Variants in FBXL14 observed in about 807,000 individuals in gnomAD.
FBXL14 encodes the protein F-box/LRR-repeat protein 14.
Under a neutral mutation model 24.5 loss-of-function variants are expected in FBXL14, and 11 were observed. The ratio of observed to expected loss-of-function variants is 0.45; its 90% CI spans 0.28 to 0.74. The LOEUF is 0.74. Among genes scored for constraint, FBXL14 ranks in the 30% least tolerant of loss-of-function variants. FBXL14 has a pLI of 0.12. For synonymous variants in FBXL14, 294 were observed against 240.4 expected, an observed-to-expected ratio of 1.22 and a Z score of -2.06; for missense variants, 384 against 545.6, an observed-to-expected ratio of 0.70 and a Z score of 2.95.
rs746140529 is a variant in FBXL14, at chr12:1,593,341, C to A, written c.726G>T (p.Ser242=). The A allele has an allele frequency of 1.9e-6, 3 of 1,613,764 alleles. No individual in the cohort carries two copies. Among genetic ancestry groups the A allele is most frequent in the Non-Finnish European group, 2.5e-6 (3 of 1,180,042 alleles). ...LLNLSFCGGI[S]DAGLLHLSHM... ...GCGACAGGTGCAGGAGGCCAGCGTC[C>A]GAGATTCCCCCACAGAAGCTGAGGT... Residue 242 remains serine (S), a synonymous_variant, in exon 1 of 2, where the codon TCG becomes TCT. Transcript: ENST00000339235. The surrounding 1 kb of genome is among the most constrained non-coding windows in gnomAD (Gnocchi z 7.4).
Position 1,567,222 on chromosome 12 carries a change from G to A in FBXL14, c.1195-412C>T, listed in dbSNP as rs2094437803. On this transcript the variant is annotated intron_variant, in intron 1 of 1. Transcript: ENST00000339235. This position sits in a 1 kb window ranked among gnomAD's most constrained non-coding sequence, Gnocchi z 4.8. Reference sequence around the variant, plus strand: ...TGACGCCTGTAATCCCAGCACTTTGGGAGGTCGAAGCGGGCGGATCACCTG... The same window carrying A: ...TGACGCCTGTAATCCCAGCACTTTGAGAGGTCGAAGCGGGCGGATCACCTG... Among the ~76,000 whole-genome samples the A allele has an allele frequency of 6.6e-6, 1 of 152,136 alleles. No individual in the cohort carries two copies. The highest frequency in any genetic ancestry group is 2.4e-5 in the African/African-American group (1 of 41,414).
chr12:1,575,482 G>A (rs2094454064), intron 1 of FBXL14, among the ~76,000 whole-genome samples: 1 of 152,204 alleles, frequency 6.6e-6, no homozygotes, highest in Admixed American at 6.5e-5. Flanking sequence ...CACTGACACT[G>A]TGCCGTTCGG....
At chr12:1,571,204 G>T (rs199702109) in intron 1 of FBXL14, among the ~76,000 whole-genome samples, 5 of 77,784 alleles carry the variant, frequency 6.4e-5, no homozygotes, top group South Asian at 6.7e-4. Context: ...GGTTTTTTTT[G>T]TTTGTTTGTT....
rs779565007 is a variant in FBXL14 at position 1,593,875 on chromosome 12, G to A, written c.192C>T (p.Ser64=). ...LRRANPSLFP[S]LQARGIRRVQ... ...CCCGGCGGATGCCCCGGGCCTGCAG[G>A]CTGGGGAACAGCGACGGGTTGGCCC... Residue 64 remains serine, a synonymous_variant, in exon 1 of 2, where the codon AGC becomes AGT. Transcript: ENST00000339235. The surrounding 1 kb of genome is among the most constrained non-coding windows in gnomAD (Gnocchi z 7.4). 1.4e-5 allele frequency: 23 copies of A among 1,611,392 alleles called. No individual in the cohort carries two copies. In the Admixed American group the frequency reaches 3.7e-4, roughly 26 times the overall value.
rs117223950 is a variant in FBXL14 at position 1,591,663 on chromosome 12, T to C, written c.1194+1210A>G. On this transcript the variant is annotated intron_variant, in intron 1 of 1. Coordinates refer to ENST00000339235, the MANE Select transcript of FBXL14 (RefSeq NM_152441.3). ...AGAAAGAAAGTCATCTATTCCTCCA[T>C]TTAGAAACGGAATTTTTTAAAACCC... Among the ~76,000 whole-genome samples the C allele has an allele frequency of 5.7e-3, 861 of 152,288 alleles. 21 individuals carry two copies. Among genetic ancestry groups the C allele is most frequent in the East Asian group, 5.8e-3 (30 of 5,186 alleles).
intron 1 of FBXL14, among the ~76,000 whole-genome samples, chr12:1,576,728 A>G (rs981553018): frequency 6.6e-6 from 1 of 152,196 alleles, no homozygotes; most frequent in Non-Finnish European, 1.5e-5. Flanking sequence ...CACTCAAGAA[A>G]GCAGACCTCC....
rs112028129 is a variant in FBXL14 at position 1,568,051 on chromosome 12, C to A, written c.1195-1241G>T. ...CAAATTAATGTCAGACACTAAACCA[C>A]AGATCCAGGAATCTCAGAGAATCAG... On this transcript the variant is annotated intron_variant, in intron 1 of 1. Transcript: ENST00000339235. 5.3e-3 allele frequency among the ~76,000 whole-genome samples: 805 copies of A among 152,328 alleles called. 6 individuals carry two copies. The highest frequency in any genetic ancestry group is 0.018 in the African/African-American group (748 of 41,566).
intron 1 of FBXL14, among the ~76,000 whole-genome samples, chr12:1,584,799 T>C (rs1446339051): frequency 2.0e-5 from 3 of 152,246 alleles, no homozygotes; most frequent in Admixed American, 6.5e-5. Context: ...TGTTGTTTGC[T>C]TAAGACACAC....
Position 1,568,624 on chromosome 12 carries a change from A to G in FBXL14, c.1195-1814T>C, listed in dbSNP as rs181283031. Among the ~76,000 whole-genome samples, 168 of 152,322 alleles carry G rather than the reference A, an allele frequency of 1.1e-3. 1 individual carries two copies. Among genetic ancestry groups the G allele is most frequent in the South Asian group, 2.9e-3 (14 of 4,818 alleles). ...GGGAAATGAGTGACAACAATATTAC[A>G]AGGGATGAGGGGAGGAATTAGGATT... On this transcript the variant is annotated intron_variant, in intron 1 of 1. Coordinates refer to ENST00000339235, the MANE Select transcript of FBXL14 (RefSeq NM_152441.3).
chr12:1,581,070 T>C (rs2094465315), intron 1 of FBXL14, among the ~76,000 whole-genome samples: 1 of 151,296 alleles, frequency 6.6e-6, no homozygotes, highest in African/African-American at 2.4e-5. Flanking sequence ...CTCATTGCTG[T>C]TATGTGTGGC....
At chr12:1,574,439 AGG>A (rs2094451694) in intron 1 of FBXL14, among the ~76,000 whole-genome samples, 1 of 8,166 alleles carries the variant, frequency 1.2e-4, no homozygotes, top group African/African-American at 3.3e-4. Context: ...GCCTGGGGTG[AGG>A]GGAGGCTGGT....
At chr12:1,586,205 A>G (rs1470975522) in intron 1 of FBXL14, among the ~76,000 whole-genome samples, 1 of 143,486 alleles carries the variant, frequency 7.0e-6, no homozygotes, top group Non-Finnish European at 1.5e-5. Flanking sequence ...TTTTACTCCT[A>G]ATGAAAATAA....
intron 1 of FBXL14, among the ~76,000 whole-genome samples, chr12:1,575,499 G>A (rs189902539): frequency 1.4e-4 from 22 of 152,306 alleles, no homozygotes; most frequent in African/African-American, 4.8e-4. Flanking sequence ...TCGGGATCCC[G>A]TGGGGAAAAC....
At chr12:1,570,314 C>G (rs2094443249) in intron 1 of FBXL14, among the ~76,000 whole-genome samples, 1 of 152,224 alleles carries the variant, frequency 6.6e-6, no homozygotes, top group African/African-American at 2.4e-5. Context: ...CTGGGGAAGT[C>G]AGCCGGGGTA....
chr12:1,572,634 G>C (rs1009885365), intron 1 of FBXL14, among the ~76,000 whole-genome samples: 1 of 152,192 alleles, frequency 6.6e-6, no homozygotes, highest in African/African-American at 2.4e-5. Context: ...GGGAAGCGGG[G>C]GGGCAGTGGA....
intron 1 of FBXL14, among the ~76,000 whole-genome samples, chr12:1,590,131 T>C (rs1042307720): frequency 6.6e-6 from 1 of 150,650 alleles, no homozygotes; most frequent in Admixed American, 6.6e-5. Context: ...TACTTCTTAA[T>C]AGGCTTCACA....
upstream of FBXL14, among the ~76,000 whole-genome samples, chr12:1,594,736 C>A (rs1476257826): frequency 6.7e-6 from 1 of 149,756 alleles, no homozygotes. Context: ...GCCGTCCGGC[C>A]GGAGCGCGGC....
rs1329121303 is a variant in FBXL14, at chr12:1,594,108, G to C, written c.-42C>G. On this transcript the variant is annotated 5_prime_UTR_variant, in exon 1 of 2. Coordinates refer to ENST00000339235, the MANE Select transcript of FBXL14 (RefSeq NM_152441.3). ...CCGCGGCGCTGGGGGGAGGAGGCGC[G>C]GGCCCCGCCGCTCCGGCCTCGGGCA... The C allele has an allele frequency of 2.9e-5, 38 of 1,329,248 alleles. No homozygotes were observed. Among genetic ancestry groups the C allele is most frequent in the Admixed American group, 3.7e-5 (1 of 26,812 alleles). 82.3% of individuals were successfully genotyped at this position (1,329,248 alleles called of 1,614,324 possible).
chr12:1,593,139 G>C lies in FBXL14; in HGVS notation c.928C>G (p.Leu310Val). ...CTGATGTGGCAGGAGCAGAGGGAGAGAGACTTGAGGCCATCCAGCCCCTGG... is the reference window on the plus strand; with the variant it reads ...CTGATGTGGCAGGAGCAGAGGGAGACAGACTTGAGGCCATCCAGCCCCTGG... ...IAQGLDGLKSLSLCSCHISDD... is the reference protein window; with the variant it reads ...IAQGLDGLKSVSLCSCHISDD... Residue 310 changes from leucine (L) to valine (V), a missense_variant, in exon 1 of 2, where the codon CTC becomes GTC. Leu to Val is a conservative substitution (Grantham distance 32, BLOSUM62 1). Transcript: ENST00000339235. The surrounding 1 kb of genome is among the most constrained non-coding windows in gnomAD (Gnocchi z 7.4). The C allele has an allele frequency of 6.2e-7, 1 of 1,613,718 alleles. No individual in the cohort carries two copies. Among genetic ancestry groups the C allele is most frequent in the Non-Finnish European group, 8.5e-7 (1 of 1,180,036 alleles).
Sources: gnomAD v4.1 joint callset for allele counts (sites outside exome capture counted in the v4.1 genomes callset) on GRCh38, gnomAD v4.1.1 for gene constraint, Gnocchi (gnomAD v3.1) non-coding constraint, MANE v1.5 for transcripts, NCBI Gene and HGNC (gene_info 2026-07-23, HGNC 2026-07-21) for gene names.